SETX: variants seen among roughly 807,000 people sequenced by gnomAD.
SETX encodes the protein senataxin.
SETX carries 90 observed loss-of-function variants against 227.2 expected under a neutral mutation model. The observed-to-expected ratio is 0.40, with a 90% CI of 0.33 to 0.47. The LOEUF (loss-of-function observed/expected upper bound fraction) is 0.47, where lower values mean the gene tolerates loss of function less well. SETX is among the 20% of genes least tolerant of loss of function. SETX has a pLI of 0.91. For missense variants in SETX, 3,052 were observed against 3,181.5 expected (o/e 0.96, Z 0.98); for synonymous variants, 1,210 against 1,113.2 (o/e 1.09, Z -1.73).
At chr9:132,340,589 G>A (rs76673836) in intron 5 of SETX, among the ~76,000 whole-genome samples, 8,505 of 152,216 alleles carry the variant, frequency 0.056, 356 homozygotes, top group East Asian at 0.25. Context: ...AAGTCAGGTC[G>A]TCACCCTTTA....
At chr9:132,283,880 C>A (rs527875465) in intron 18 of SETX, among the ~76,000 whole-genome samples, 15 of 152,252 alleles carry the variant, frequency 9.9e-5, no homozygotes, top group Middle Eastern at 3.4e-3. Context: ...AACAAAAATG[C>A]CTGTGAACCT....
Position 132,329,676 on chromosome 9 carries a change from G to C in SETX, c.1922C>G (p.Ser641Cys), listed in dbSNP as rs886063557. The C allele has an allele frequency of 2.5e-6, 4 of 1,613,902 alleles. No homozygotes were observed. Among genetic ancestry groups the C allele is most frequent in the Admixed American group, 1.7e-5 (1 of 59,994 alleles). ...SRKDMHCLEASSPTFSKEPMK... is the reference protein window; with the variant it reads ...SRKDMHCLEACSPTFSKEPMK... ...TGGTTCTTTAGAAAATGTTGGGCTG[G>C]AAGCTTCCAAACAATGCATATCTTT... is the stretch of plus-strand genomic sequence containing the variant. The change falls in exon 10 of 26, where the codon TCC (serine) becomes TGC (cysteine). Residue 641 changes from serine (S) to cysteine (C), a missense_variant. Ser to Cys is a moderately radical substitution (Grantham distance 112, BLOSUM62 -1). Coordinates refer to ENST00000224140, the MANE Select transcript of SETX (RefSeq NM_015046.7).
chr9:132,322,664 T>C (rs949141361), intron 10 of SETX, among the ~76,000 whole-genome samples: 1 of 152,202 alleles, frequency 6.6e-6, no homozygotes, highest in Admixed American at 6.5e-5. Flanking sequence ...CCATGAATAA[T>C]GTTCCAATCT....
intron 10 of SETX, among the ~76,000 whole-genome samples, chr9:132,317,334 G>C (rs1486577162): frequency 2.6e-5 from 4 of 151,918 alleles, no homozygotes; most frequent in African/African-American, 7.3e-5. Flanking sequence ...CAAATGATCA[G>C]AATCGTGTCT....
chr9:132,340,408 A>AT (rs1384980349), intron 5 of SETX, among the ~76,000 whole-genome samples: 29 of 152,136 alleles, frequency 1.9e-4, no homozygotes, highest in African/African-American at 6.5e-4. Flanking sequence ...TATGTCTATT[A>AT]TTTTTAGTTT....
rs1848296771 is a variant in SETX at position 132,346,453 on chromosome 9, T to C, written c.196A>G (p.Thr66Ala). ...TCAAAGTGATTTATGAGACGTAAGG[T>C]TTCTAATTCCCATAAAACCTAGAGG... ...FLHEVLWELE[T>A]LRLINHFEKS... The change falls in exon 4 of 26, where the codon ACC becomes GCC. Residue 66 changes from threonine (T) to alanine (A), a missense_variant. Transcript: ENST00000224140. The C allele has an allele frequency of 6.2e-7, 1 of 1,611,874 alleles. No homozygotes were observed. Among genetic ancestry groups the C allele is most frequent in the Non-Finnish European group, 8.5e-7 (1 of 1,178,642 alleles).
intron 4 of SETX, 79 bp downstream of exon 4, chr9:132,346,182 G>T: frequency 8.7e-7 from 1 of 1,143,616 alleles, no homozygotes; most frequent in Non-Finnish European, 1.3e-6. Context: ...AAACAAATTT[G>T]CAATATAGAT....
intron 11 of SETX, among the ~76,000 whole-genome samples, chr9:132,303,215 G>A (rs574251082): frequency 4.6e-5 from 7 of 151,144 alleles, no homozygotes; most frequent in Non-Finnish European, 8.8e-5. Context: ...TAGAGACAGC[G>A]TCTTGCTATG....
intron 23 of SETX, among the ~76,000 whole-genome samples, chr9:132,274,440 C>CT (rs1346968200): frequency 0.051 from 6,786 of 132,426 alleles, 350 homozygotes; most frequent in African/African-American, 0.12. Flanking sequence ...CTGATTTTTT[C>CT]TTTTTTTTTT....
chr9:132,266,010 A>T (rs1030100252), intron 25 of SETX: 2 of 152,168 alleles, frequency 1.3e-5, no homozygotes, highest in Non-Finnish European at 2.9e-5. Flanking sequence ...GAAAGTTGCC[A>T]AACACATGCA....
At chr9:132,294,831 T>TAGCCATACCAGTGA in intron 15 of SETX, among the ~76,000 whole-genome samples, 1 of 152,190 alleles carries the variant, frequency 6.6e-6, no homozygotes, top group African/African-American at 2.4e-5. Context: ...CTCCAAGGAC[T>TAGCCATACCAGTGA]CTCTAAGGCA....
chr9:132,315,006 G>A (rs770315739), intron 10 of SETX, among the ~76,000 whole-genome samples: 5 of 143,264 alleles, frequency 3.5e-5, no homozygotes, highest in Non-Finnish European at 7.5e-5. Flanking sequence ...GCCACCTCCC[G>A]GGTTCAAGCA....
At chr9:132,291,313 C>G (rs1004253332) in intron 15 of SETX, among the ~76,000 whole-genome samples, 2 of 151,598 alleles carry the variant, frequency 1.3e-5, no homozygotes, top group Admixed American at 1.3e-4. Context: ...ACTACAGGCG[C>G]CCCCCACCAC....
intron 23 of SETX, 134 bp downstream of exon 23, chr9:132,275,122 C>CA (rs2131166172): frequency 1.1e-6 from 1 of 910,590 alleles, no homozygotes; most frequent in East Asian, 2.5e-5. Context: ...AAGCCAGCAG[C>CA]ATCCCAGCTT....
chr9:132,278,746 C>T (rs1038620221), intron 20 of SETX, among the ~76,000 whole-genome samples: 1 of 152,158 alleles, frequency 6.6e-6, no homozygotes, highest in Non-Finnish European at 1.5e-5. Flanking sequence ...CCCAAAAAAA[C>T]CAGTAATAAA....
At chr9:132,330,908 C>A in intron 9 of SETX, 144 bp downstream of exon 9, 1 of 698,350 alleles carries the variant, frequency 1.4e-6, no homozygotes, top group Non-Finnish European at 2.6e-6. Context: ...AATACATCTG[C>A]TGTTCAATGA....
At chr9:132,345,891 C>A (rs118087252) in intron 4 of SETX, among the ~76,000 whole-genome samples, 4,410 of 152,074 alleles carry the variant, frequency 0.029, 118 homozygotes, top group Non-Finnish European at 0.04. Context: ...CAATGGCACA[C>A]GCCTGTACTC....
intron 1 of SETX, among the ~76,000 whole-genome samples, 191 bp downstream of exon 1, chr9:132,354,726 G>T (rs189200903): frequency 6.6e-6 from 1 of 151,990 alleles, no homozygotes; most frequent in Non-Finnish European, 1.5e-5. Context: ...GGCAACAGGC[G>T]GCCGCCAGCC....
At chr9:132,272,499 G>C (rs902240632) in intron 23 of SETX, among the ~76,000 whole-genome samples, 1 of 151,400 alleles carries the variant, frequency 6.6e-6, no homozygotes, top group African/African-American at 2.4e-5. Context: ...GAGAGAGAGA[G>C]AGACAGAGTC....
Sources: allele counts gnomAD v4.1 joint callset (sites outside exome capture counted in the v4.1 genomes callset), GRCh38; gene constraint gnomAD v4.1.1; transcripts MANE v1.5; gene names NCBI Gene and HGNC (gene_info 2026-07-23, HGNC 2026-07-21).